VRK2: variants seen among roughly 807,000 people sequenced by gnomAD.
The protein encoded by VRK2 is serine/threonine-protein kinase VRK2.
In VRK2, 60 loss-of-function variants were observed where a neutral mutation model predicts 57.6. The ratio of observed to expected loss-of-function variants is 1.04; its 90% CI spans 0.85 to 1.29. The LOEUF (loss-of-function observed/expected upper bound fraction) is 1.29, where lower values mean the gene tolerates loss of function less well. VRK2 is among the 50% of genes most tolerant of loss of function. The pLI, the probability that VRK2 is intolerant of heterozygous loss-of-function variation, is 0.00. For synonymous variants in VRK2, 231 were observed against 199.2 expected (o/e 1.16, Z -1.35); for missense variants, 705 against 588.1 (o/e 1.20, Z -2.06).
intron 1 of VRK2, among the ~76,000 whole-genome samples, chr2:57,998,909 C>T (rs1245928248): frequency 2.0e-5 from 3 of 152,162 alleles, no homozygotes; most frequent in Non-Finnish European, 4.4e-5. Flanking sequence ...TATCTGAAGT[C>T]AGTATGGATA....
chr2:58,063,348 G>A (rs538014935), intron 2 of VRK2, among the ~76,000 whole-genome samples: 12 of 151,138 alleles, frequency 7.9e-5, no homozygotes, highest in East Asian at 3.9e-4. Context: ...AACATACAGC[G>A]AGCTAAAAGG....
chr2:58,098,718 A>G (rs753679541), intron 7 of VRK2, among the ~76,000 whole-genome samples: 4 of 152,066 alleles, frequency 2.6e-5, no homozygotes, highest in Non-Finnish European at 1.5e-5. Context: ...GAAATTACCT[A>G]ACAATACATT....
At chr2:58,152,203 A>T (rs1473598919) in intron 12 of VRK2, among the ~76,000 whole-genome samples, 1 of 151,856 alleles carries the variant, frequency 6.6e-6, no homozygotes, top group Non-Finnish European at 1.5e-5. Context: ...AAGTCTTCAA[A>T]ATTTGGTGTC....
chr2:57,990,868 C>G (rs1189780548), intron 1 of VRK2, among the ~76,000 whole-genome samples: 1 of 151,298 alleles, frequency 6.6e-6, no homozygotes, highest in Non-Finnish European at 1.5e-5. Flanking sequence ...CACACACACA[C>G]ACACACACAC....
At chr2:58,115,076 G>A (rs1676225229) in intron 7 of VRK2, among the ~76,000 whole-genome samples, 1 of 152,186 alleles carries the variant, frequency 6.6e-6, no homozygotes, top group African/African-American at 2.4e-5. Flanking sequence ...ACGATGGAAA[G>A]GAAATGAGAG....
At chr2:58,017,717 T>G (rs560397944) in intron 1 of VRK2, among the ~76,000 whole-genome samples, 35 of 152,300 alleles carry the variant, frequency 2.3e-4, no homozygotes, top group African/African-American at 8.2e-4. Context: ...CTGACATTAG[T>G]ATATAATGAA....
chr2:57,981,765 T>A (rs1016953239), intron 1 of VRK2, among the ~76,000 whole-genome samples: 1 of 152,242 alleles, frequency 6.6e-6, no homozygotes, highest in African/African-American at 2.4e-5. Context: ...TTTTTCAAAA[T>A]GGCTATGTAA....
At chr2:58,046,693 G>T, upstream of VRK2, 3 of 985,554 alleles carry the variant, frequency 3.0e-6, no homozygotes, top group Non-Finnish European at 3.6e-6. Flanking sequence ...GGCTCCGCGG[G>T]CCGCTGCACT....
At chr2:58,020,965 A>G (rs991792617) in intron 1 of VRK2, among the ~76,000 whole-genome samples, 1 of 152,218 alleles carries the variant, frequency 6.6e-6, no homozygotes, top group African/African-American at 2.4e-5. Flanking sequence ...TGTTTTAAAA[A>G]TGGATAAAAC....
At position 58,139,795 on chromosome 2, in the gene VRK2, G is replaced by C; in HGVS notation, c.986G>C (p.Gly329Ala). 6.2e-7 allele frequency: 1 copy of C among 1,612,880 alleles called. No individual in the cohort carries two copies. Among genetic ancestry groups the C allele is most frequent in the Non-Finnish European group, 8.5e-7 (1 of 1,179,256 alleles). Residue 329 changes from glycine to alanine, a missense_variant, in exon 11 of 13, where the codon GGA becomes GCA. By Grantham distance (60) the Gly-to-Ala change is moderately conservative. Transcript: ENST00000340157. ...GGACCACTGGACTTTTCCACAAAAG[G>C]ACAGAGTATAAATGTCCATACTCCA... ...PLGPLDFSTKGQSINVHTPNS... is the reference protein window; with the variant it reads ...PLGPLDFSTKAQSINVHTPNS...
At chr2:57,939,627 T>A (rs1671028598) in intron 1 of VRK2, among the ~76,000 whole-genome samples, 1 of 152,232 alleles carries the variant, frequency 6.6e-6, no homozygotes, top group South Asian at 2.1e-4. Context: ...TACCCATCTA[T>A]ACAAAATGTT....
At chr2:57,957,460 G>A (rs75332123) in intron 1 of VRK2, among the ~76,000 whole-genome samples, 8,211 of 151,810 alleles carry the variant, frequency 0.054, 251 homozygotes, top group Admixed American at 0.091. Context: ...ATAAGGCTAC[G>A]ATCAGTGATT....
chr2:58,108,864 G>A (rs1675139090), intron 7 of VRK2, among the ~76,000 whole-genome samples: 1 of 152,138 alleles, frequency 6.6e-6, no homozygotes. Flanking sequence ...TCAAATCTCA[G>A]CTTTGCCAGT....
At chr2:57,920,119 T>G (rs1007794903) in intron 1 of VRK2, among the ~76,000 whole-genome samples, 1 of 152,096 alleles carries the variant, frequency 6.6e-6, no homozygotes, top group African/African-American at 2.4e-5. Context: ...AACACCTAAC[T>G]TATTGCTTAG....
At chr2:57,978,613 TGTGATCCC>T in intron 1 of VRK2, among the ~76,000 whole-genome samples, 1 of 151,050 alleles carries the variant, frequency 6.6e-6, no homozygotes, top group South Asian at 2.1e-4. Flanking sequence ...ACATGGATCA[TGTGATCCC>T]TCAGGCCAAG....
intron 10 of VRK2, among the ~76,000 whole-genome samples, chr2:58,137,224 CATATGATACAT>C (rs1261760236): frequency 1.5e-5 from 1 of 65,142 alleles, no homozygotes; most frequent in Non-Finnish European, 2.6e-5. Flanking sequence ...ACATATATAT[CATATGATACAT>C]ATATATCATA....
intron 1 of VRK2, among the ~76,000 whole-genome samples, chr2:57,937,520 TAGTGTA>T (rs1372656038): frequency 6.6e-6 from 1 of 152,242 alleles, no homozygotes; most frequent in Non-Finnish European, 1.5e-5. Flanking sequence ...ATATTTTGAA[TAGTGTA>T]AGTGCATTAT....
intron 1 of VRK2, chr2:58,047,328 C>G: frequency 5.5e-6 from 4 of 722,646 alleles, no homozygotes; most frequent in Non-Finnish European, 5.1e-6. Flanking sequence ...CCCCTGGGTA[C>G]CAGTTTGCTC....
chr2:57,994,379 T>C (rs1193022315), intron 1 of VRK2, among the ~76,000 whole-genome samples: 3 of 152,202 alleles, frequency 2.0e-5, no homozygotes, highest in Admixed American at 1.3e-4. Flanking sequence ...GTAAATTTAA[T>C]GATCTATAAG....
Sources: allele counts gnomAD v4.1 joint callset (sites outside exome capture counted in the v4.1 genomes callset), GRCh38; gene constraint gnomAD v4.1.1; transcripts MANE v1.5; gene names NCBI Gene and HGNC (gene_info 2026-07-23, HGNC 2026-07-21).